Variants in ADAMTSL3 observed in about 807,000 individuals in gnomAD.
The protein encoded by ADAMTSL3 is ADAMTS like 3, also known as ADAMTS-like protein 3.
ADAMTSL3 carries 128 observed loss-of-function variants against 201.7 expected under a neutral mutation model. That is an observed-to-expected ratio of 0.63 (90% CI 0.55 to 0.73). The LOEUF is 0.73. Ranked by LOEUF, ADAMTSL3 falls within the 30% of genes least tolerant of loss-of-function variation. The probability of loss-of-function intolerance (pLI) is 0.00; values close to 1 mark genes in which losing one functional copy is unlikely to be tolerated. For synonymous variants in ADAMTSL3, 738 were observed against 748.4 expected (o/e 0.99, Z 0.23); for missense variants, 1,990 against 2,119.6 (o/e 0.94, Z 1.20).
chr15:83,943,586 G>A (rs1424356323), intron 19 of ADAMTSL3, among the ~76,000 whole-genome samples: 1 of 152,204 alleles, frequency 6.6e-6, no homozygotes, highest in African/African-American at 2.4e-5. Flanking sequence ...TGCTGGCAGG[G>A]CTTGACCCAG....
At chr15:83,901,110 C>T (rs2065715974) in intron 15 of ADAMTSL3, among the ~76,000 whole-genome samples, 3 of 152,170 alleles carry the variant, frequency 2.0e-5, no homozygotes, top group African/African-American at 7.2e-5. Context: ...TCATGACAGG[C>T]ACAGACTTCT....
At chr15:83,663,896 C>T (rs1184881936) in intron 2 of ADAMTSL3, among the ~76,000 whole-genome samples, 1 of 152,190 alleles carries the variant, frequency 6.6e-6, no homozygotes, top group Non-Finnish European at 1.5e-5. Context: ...CCCGGCACTC[C>T]TTTTTCTCTT....
rs1298849477 is a variant in ADAMTSL3 at position 83,988,918 on chromosome 15, G to T, written c.3844+100G>T. The T allele has an allele frequency of 4.0e-6, 3 of 747,740 alleles. No homozygotes were observed. The South Asian group carries it at 1.8e-4, about 46-fold the overall frequency. The allele number at this position is 747,740 out of a possible 1,614,324, so 46.3% of individuals were successfully genotyped here. A position where few individuals can be genotyped will look rare whatever the true frequency, so the allele number is the denominator to read the frequency against. ...TTTTTTTGAGACAGAGTCTCGCTCT[G>T]TCGCCCAGGCTGGAGTGCAGTGGCG... On this transcript the variant is annotated intron_variant, in intron 22 of 29. Transcript: ENST00000286744.
intron 3 of ADAMTSL3, among the ~76,000 whole-genome samples, chr15:83,722,624 T>G (rs111722787): frequency 2.6e-5 from 4 of 152,244 alleles, no homozygotes; most frequent in African/African-American, 9.6e-5. Context: ...TAAAACACTC[T>G]TCTGAAGAAA....
At chr15:83,842,876 T>A (rs2141990133) in intron 7 of ADAMTSL3, among the ~76,000 whole-genome samples, 1 of 152,268 alleles carries the variant, frequency 6.6e-6, no homozygotes, top group South Asian at 2.1e-4. Context: ...CTTAGAAAGT[T>A]TGGAAATCTC....
chr15:83,811,728 C>A (rs1276304414), intron 5 of ADAMTSL3, among the ~76,000 whole-genome samples: 1 of 152,190 alleles, frequency 6.6e-6, no homozygotes, highest in African/African-American at 2.4e-5. Flanking sequence ...GAAGCAAATG[C>A]TGCCCTTTTT....
rs544040790 is a variant in ADAMTSL3, at chr15:83,995,520, G to T, written c.3973+4306G>T. On this transcript the variant is annotated intron_variant, in intron 23 of 29. Coordinates refer to ENST00000286744, the MANE Select transcript of ADAMTSL3 (RefSeq NM_207517.3). ...ACTATATCTGTTCAACACTGCGTTA[G>T]CACTAGCCAGTGCAATAAGATAAAA... is the stretch of plus-strand genomic sequence containing the variant. 1.2e-4 allele frequency among the ~76,000 whole-genome samples: 19 copies of T among 152,194 alleles called. No individual in the cohort carries two copies. In the South Asian group the frequency reaches 3.9e-3, roughly 32 times the overall value.
At chr15:83,685,790 T>C (rs1596024236) in intron 2 of ADAMTSL3, among the ~76,000 whole-genome samples, 1 of 152,296 alleles carries the variant, frequency 6.6e-6, no homozygotes, top group Middle Eastern at 3.4e-3. Context: ...GAGATTAATT[T>C]AGATAAACTA....
At chr15:83,945,326 A>G (rs527612092) in intron 19 of ADAMTSL3, among the ~76,000 whole-genome samples, 26 of 152,310 alleles carry the variant, frequency 1.7e-4, no homozygotes, top group Middle Eastern at 3.4e-3. Context: ...GAAAGGACTG[A>G]TCCAGGTGAG....
intron 17 of ADAMTSL3, among the ~76,000 whole-genome samples, chr15:83,928,189 A>G (rs2066285175): frequency 6.6e-6 from 1 of 152,006 alleles, no homozygotes; most frequent in Non-Finnish European, 1.5e-5. Context: ...TTTCTCTGTC[A>G]TCTAAGCTGG....
At chr15:83,713,005 T>A (rs1596071651) in intron 3 of ADAMTSL3, among the ~76,000 whole-genome samples, 2 of 152,304 alleles carry the variant, frequency 1.3e-5, no homozygotes, top group Admixed American at 1.3e-4. Context: ...ACTAATTCTC[T>A]TATCTCTCTA....
At chr15:83,876,440 AT>A (rs77506126) in intron 9 of ADAMTSL3, among the ~76,000 whole-genome samples, 44,946 of 150,998 alleles carry the variant, frequency 0.3, 7,629 homozygotes, top group Admixed American at 0.44. Flanking sequence ...TTCTATTTTC[AT>A]TTTTTTTCTC....
At chr15:83,999,532 CT>C (rs1292670327) in intron 23 of ADAMTSL3, among the ~76,000 whole-genome samples, 2 of 152,184 alleles carry the variant, frequency 1.3e-5, no homozygotes, top group Admixed American at 1.3e-4. Flanking sequence ...TACCCGCCCC[CT>C]GTCATTGTTG....
At chr15:83,688,870 A>G (rs965053914) in intron 2 of ADAMTSL3, among the ~76,000 whole-genome samples, 11 of 152,110 alleles carry the variant, frequency 7.2e-5, no homozygotes, top group Non-Finnish European at 1.3e-4. Flanking sequence ...GTGTAGTGGC[A>G]TGATCTTGGC....
chr15:83,775,667 G>A (rs764660558), intron 4 of ADAMTSL3, among the ~76,000 whole-genome samples: 1 of 152,138 alleles, frequency 6.6e-6, no homozygotes. Flanking sequence ...TTGAGAGCAG[G>A]TATTGGTGTT....
chr15:83,945,478 A>T (rs2066637469), intron 19 of ADAMTSL3, among the ~76,000 whole-genome samples: 1 of 152,166 alleles, frequency 6.6e-6, no homozygotes. Context: ...TCTTTTGGGA[A>T]TTCCTTTGAG....
chr15:83,763,137 C>A (rs987750513), intron 3 of ADAMTSL3, among the ~76,000 whole-genome samples: 8 of 152,198 alleles, frequency 5.3e-5, no homozygotes, highest in Non-Finnish European at 1.0e-4. Context: ...TGATTCCCCC[C>A]ACCTCAGCCC....
intron 13 of ADAMTSL3, among the ~76,000 whole-genome samples, chr15:83,895,031 A>G (rs1485819052): frequency 6.6e-6 from 1 of 152,058 alleles, no homozygotes. Flanking sequence ...TTGGTTTCTT[A>G]TTTTGTTTTG....
At chr15:83,840,081 A>C (rs1000520881) in intron 7 of ADAMTSL3, among the ~76,000 whole-genome samples, 1 of 152,224 alleles carries the variant, frequency 6.6e-6, no homozygotes, top group Non-Finnish European at 1.5e-5. Context: ...AGTATGTAGA[A>C]TATAAGAGGA....
Sources: gnomAD v4.1 joint callset for allele counts (sites outside exome capture counted in the v4.1 genomes callset) on GRCh38, gnomAD v4.1.1 for gene constraint, MANE v1.5 for transcripts, NCBI Gene and HGNC (gene_info 2026-07-23, HGNC 2026-07-21) for gene names.